The following FAAH2 variants were observed in gnomAD, a reference collection of about 807,000 sequenced individuals.
FAAH2 encodes fatty acid amide hydrolase 2, also known as fatty-acid amide hydrolase 2.
Under a neutral mutation model 36.9 loss-of-function variants are expected in FAAH2, and 60 were observed. That is an observed-to-expected ratio of 1.63 (90% CI 1.32 to 2.02). The LOEUF is 2.02. Among genes scored for constraint, FAAH2 ranks in the 30% most tolerant of loss-of-function variants. The pLI, the probability that FAAH2 is intolerant of heterozygous loss-of-function variation, is 0.00. For missense variants in FAAH2, 689 were observed against 397.5 expected (o/e 1.73, Z -6.23); for synonymous variants, 214 against 143.8 (o/e 1.49, Z -3.49).
At chrX:57,180,673 G>A in the FAAH2 span, among the ~76,000 whole-genome samples, 2,351 of 111,358 alleles carry the variant, frequency 0.021, 77 homozygotes, top group African/African-American at 0.072. Flanking sequence ...CCCAGGATCA[G>A]AAGAATGCAC....
intron 5 of FAAH2, among the ~76,000 whole-genome samples, chrX:57,352,705 G>A (rs2054056295): frequency 9.0e-6 from 1 of 110,930 alleles, no homozygotes; most frequent in Admixed American, 9.6e-5. Flanking sequence ...CTTAGATATA[G>A]AAAAACCCTA....
At chrX:57,408,749 T>C (rs747872904) in intron 7 of FAAH2, among the ~76,000 whole-genome samples, 3 of 111,114 alleles carry the variant, frequency 2.7e-5, no homozygotes, top group Non-Finnish European at 5.7e-5. Context: ...CTGTACTTAA[T>C]TTGTTGAGAG....
intron 2 of FAAH2, among the ~76,000 whole-genome samples, chrX:57,297,118 C>A (rs2052187883): frequency 9.2e-6 from 1 of 108,465 alleles, no homozygotes; most frequent in Admixed American, 9.9e-5. Context: ...CAAAAATAAC[C>A]CTCAAGAAGA....
chrX:57,216,981 A>C, the FAAH2 span, among the ~76,000 whole-genome samples: 1 of 110,561 alleles, frequency 9.0e-6, no homozygotes, highest in Non-Finnish European at 1.9e-5. Flanking sequence ...TTCAGGAATA[A>C]GGTGGTATCG....
chrX:57,161,459 G>T, the FAAH2 span, among the ~76,000 whole-genome samples: 2 of 111,147 alleles, frequency 1.8e-5, no homozygotes, highest in Admixed American at 1.9e-4. Flanking sequence ...CGACAGTGGG[G>T]TGTTAAAGTC....
At chrX:57,475,492 C>G (rs1042268976) in intron 10 of FAAH2, among the ~76,000 whole-genome samples, 1 of 111,744 alleles carries the variant, frequency 8.9e-6, no homozygotes, top group Middle Eastern at 4.6e-3. Context: ...TATTGAAGAT[C>G]AGATGGTTGT....
the FAAH2 span, among the ~76,000 whole-genome samples, chrX:57,234,573 A>T: frequency 8.9e-6 from 1 of 111,880 alleles, no homozygotes; most frequent in East Asian, 2.8e-4. Flanking sequence ...GGACAGTCCC[A>T]TCTTGGGGTA....
chrX:57,255,717 A>T, the FAAH2 span, among the ~76,000 whole-genome samples: 4 of 112,068 alleles, frequency 3.6e-5, no homozygotes, highest in Non-Finnish European at 7.5e-5. Context: ...CTTCGACAAA[A>T]ATTCAACGCC....
the FAAH2 span, among the ~76,000 whole-genome samples, chrX:57,151,603 AG>A: frequency 9.0e-6 from 1 of 111,392 alleles, no homozygotes; most frequent in African/African-American, 3.3e-5. Flanking sequence ...CTTGGCTTTC[AG>A]CTCCATCCGC....
intron 7 of FAAH2, among the ~76,000 whole-genome samples, chrX:57,389,949 G>A (rs183879559): frequency 5.8e-4 from 63 of 109,049 alleles, no homozygotes; most frequent in Admixed American, 2.1e-3. Flanking sequence ...TAGTGTTGTT[G>A]ATTTTTTTTT....
intron 2 of FAAH2, among the ~76,000 whole-genome samples, chrX:57,307,797 G>A (rs1349733825): frequency 1.8e-5 from 2 of 110,509 alleles, no homozygotes; most frequent in African/African-American, 3.3e-5. Context: ...ACACACTTCC[G>A]CATCTGTTAG....
At chrX:57,129,262 T>C in the FAAH2 span, among the ~76,000 whole-genome samples, 3 of 111,618 alleles carry the variant, frequency 2.7e-5, no homozygotes, top group African/African-American at 9.8e-5. Context: ...TCATGAAATT[T>C]GAATACCAAT....
At chrX:57,244,531 ACTAACAGCAGAT>A in the FAAH2 span, among the ~76,000 whole-genome samples, 1 of 112,072 alleles carries the variant, frequency 8.9e-6, no homozygotes, top group Non-Finnish European at 1.9e-5. Context: ...ATCCCATCAG[ACTAACAGCAGAT>A]CTCTGTTAGT....
chrX:57,458,102 T>G lies in FAAH2; in HGVS notation c.1423+9384T>G, dbSNP rs369756224. Among the ~76,000 whole-genome samples, 61 of 111,124 alleles carry G rather than the reference T, an allele frequency of 5.5e-4. No individual in the cohort carries two copies. The South Asian group carries it at 0.011, about 21-fold the overall frequency. On this transcript the variant is annotated intron_variant, in intron 10 of 10. Transcript: ENST00000374900. Reference sequence around the variant, plus strand: ...TGGTACTGCTGCAAAAAAAGACACATAGACCAAGGAAACAGAATTGAGAAC... The same window carrying G: ...TGGTACTGCTGCAAAAAAAGACACAGAGACCAAGGAAACAGAATTGAGAAC...
chrX:57,311,473 A>T lies in FAAH2; in HGVS notation c.412+744A>T, dbSNP rs180930588. On this transcript the variant is annotated intron_variant, in intron 3 of 10. Coordinates refer to ENST00000374900, the MANE Select transcript of FAAH2 (RefSeq NM_174912.4). ...CGTGGGTGTATGAGCTGGCAGGAAG[A>T]TCTGATGGAGAGCAGGCAGAGATGG... is the stretch of plus-strand genomic sequence containing the variant. Among the ~76,000 whole-genome samples the T allele has an allele frequency of 2.7e-5, 3 of 111,929 alleles. No individual in the cohort carries two copies. In the Admixed American group the frequency reaches 2.8e-4, roughly 11 times the overall value.
chrX:57,167,357 C>T, the FAAH2 span, among the ~76,000 whole-genome samples: 7 of 111,266 alleles, frequency 6.3e-5, no homozygotes, highest in Non-Finnish European at 1.1e-4. Context: ...TCCCTCCAGG[C>T]CAGCACCTGT....
In FAAH2 at chrX:57,331,597, G is replaced by A; in HGVS notation, c.413-1G>A. The A allele has an allele frequency of 2.5e-6, 3 of 1,203,727 alleles. No homozygotes were observed. The highest frequency in any genetic ancestry group is 3.4e-6 in the Non-Finnish European group (3 of 890,184). On this transcript the variant is annotated splice_acceptor_variant, in intron 3 of 10. Transcript: ENST00000374900. LOFTEE classifies it high-confidence loss of function. ...AACATTCTTTTCTGTGACTCTTTTAGGAATGCCCAATTCTTCTGGACTCAT... is the reference window on the plus strand; with the variant it reads ...AACATTCTTTTCTGTGACTCTTTTAAGAATGCCCAATTCTTCTGGACTCAT...
the FAAH2 span, among the ~76,000 whole-genome samples, chrX:57,198,502 G>A: frequency 1.8e-5 from 2 of 112,419 alleles, no homozygotes; most frequent in Non-Finnish European, 3.8e-5. Context: ...AAGCCTCAGT[G>A]CTGAGAAAGC....
intron 3 of FAAH2, among the ~76,000 whole-genome samples, chrX:57,325,433 C>A (rs1248334074): frequency 9.0e-6 from 1 of 111,436 alleles, no homozygotes; most frequent in Non-Finnish European, 1.9e-5. Flanking sequence ...CCTTCTTGTA[C>A]CTCTGGTAGA....
Sources: allele counts gnomAD v4.1 joint callset (sites outside exome capture counted in the v4.1 genomes callset), GRCh38; gene constraint gnomAD v4.1.1; transcripts MANE v1.5; gene names NCBI Gene and HGNC (gene_info 2026-07-23, HGNC 2026-07-21).